Variants in AZU1 observed in about 807,000 individuals in gnomAD.
The protein encoded by AZU1 is azurocidin 1.
A neutral mutation model predicts 17.8 loss-of-function variants in AZU1; 21 were observed. The observed-to-expected ratio is 1.18, with a 90% CI of 0.84 to 1.70. The LOEUF (loss-of-function observed/expected upper bound fraction) is 1.70, where lower values mean the gene tolerates loss of function less well. AZU1 is among the 40% of genes most tolerant of loss of function. The pLI is 0.00. For missense variants in AZU1, 379 were observed against 362.9 expected, an observed-to-expected ratio of 1.04 and a Z score of -0.36; for synonymous variants, 178 against 155.2, an observed-to-expected ratio of 1.15 and a Z score of -1.09.
intron 2 of AZU1, among the ~76,000 whole-genome samples, chr19:828,962 T>C (rs1158290864): frequency 3.6e-3 from 131 of 36,128 alleles, no homozygotes; most frequent in Admixed American, 6.7e-3. Flanking sequence ...ATGGAGGAGG[T>C]GCAGAGAAGG....
chr19:831,483 T>C (rs1265566659), intron 4 of AZU1: 4 of 538,076 alleles, frequency 7.4e-6, no homozygotes, highest in Non-Finnish European at 1.3e-5. Flanking sequence ...AGGCGTGTGA[T>C]TGCCAGGGGA....
intron 1 of AZU1, 119 bp downstream of exon 1, chr19:828,023 C>T (rs942537431): frequency 9.8e-6 from 14 of 1,429,204 alleles, no homozygotes; most frequent in African/African-American, 2.8e-5. Context: ...ACAGCCAGCC[C>T]GGCCTGGACG....
In AZU1 at chr19:831,780, G is replaced by A. The variant is rs772633757; in HGVS notation, c.659G>A (p.Gly220Glu). The A allele has an allele frequency of 1.2e-6, 2 of 1,612,574 alleles. No individual in the cohort carries two copies. Among genetic ancestry groups the A allele is most frequent in the Non-Finnish European group, 8.5e-7 (1 of 1,179,770 alleles). The change falls in exon 5 of 5, where the codon GGG becomes GAG. Residue 220 changes from glycine to glutamate, a missense_variant. Coordinates refer to ENST00000233997, the MANE Select transcript of AZU1 (RefSeq NM_001700.5). ...LAHGVASFSL[G>E]PCGRGPDFFT... ...CACGGCGTGGCCTCCTTTTCCCTGG[G>A]GCCCTGTGGCCGAGGCCCTGACTTC... is the stretch of plus-strand genomic sequence containing the variant.
intron 2 of AZU1, among the ~76,000 whole-genome samples, chr19:829,259 T>G (rs1334794612): frequency 3.7e-4 from 26 of 70,686 alleles, no homozygotes; most frequent in Non-Finnish European, 4.2e-4. Context: ...ATGGAGGAGG[T>G]GCAGAGAAGG....
At position 829,569 on chromosome 19, in the gene AZU1, G is replaced by A. The variant is rs535048779; in HGVS notation, c.223G>A (p.Gly75Arg). 1.2e-5 allele frequency: 20 copies of A among 1,612,690 alleles called. No individual in the cohort carries two copies. The highest frequency in any genetic ancestry group is 6.7e-5 in the Admixed American group (4 of 59,966). ...TTCCTCCGCTACTCTCAGGAACCCC[G>A]GGGTTAGCACCGTGGTGCTGGGTGC... ...AASCFQSQNP[G>R]VSTVVLGAYD... Residue 75 changes from glycine (G) to arginine (R), a missense_variant, in exon 3 of 5, where the codon GGG becomes AGG. Physicochemically the swap from Gly to Arg is moderately radical, Grantham distance 125. Coordinates refer to ENST00000233997, the MANE Select transcript of AZU1 (RefSeq NM_001700.5).
chr19:827,914 T>G lies in AZU1; in HGVS notation c.58+10T>G. The G allele has an allele frequency of 6.5e-7, 1 of 1,536,792 alleles. No homozygotes were observed. The highest frequency in any genetic ancestry group is 8.7e-7 in the Non-Finnish European group (1 of 1,147,096). ...GCGTCCTCGAGGGCCGGTGAGTGCC[T>G]CTCTGTGCCGGTGGTCCCCCATCTG... is the stretch of plus-strand genomic sequence containing the variant. On this transcript the variant is annotated intron_variant, in intron 1 of 4. Transcript: ENST00000233997.
rs774697507 is a variant in AZU1 at position 831,026 on chromosome 19, G to A, written c.594+85G>A. The A allele has an allele frequency of 7.5e-5, 103 of 1,366,126 alleles. No individual in the cohort carries two copies. The African/African-American group carries it at 9.8e-4, about 13-fold the overall frequency. 84.6% of individuals were successfully genotyped at this position (1,366,126 alleles called of 1,614,324 possible). On this transcript the variant is annotated intron_variant, in intron 4 of 4. Transcript: ENST00000233997. ...GAGAAAGCAAGTGCAGGCTGAGGGC[G>A]GCACAGCAGGGGGGCCCCAGGATTG...
chr19:827,905 G>A lies in AZU1; in HGVS notation c.58+1G>A, dbSNP rs2035234701. 7 of 1,537,178 alleles carry A rather than the reference G, an allele frequency of 4.6e-6. No individual in the cohort carries two copies. The highest frequency in any genetic ancestry group is 3.6e-5 in the South Asian group (3 of 84,106). On this transcript the variant is annotated splice_donor_variant, in intron 1 of 4. Transcript: ENST00000233997. LOFTEE classifies it high-confidence loss of function. ...GGTCTGCTGGCGTCCTCGAGGGCCG[G>A]TGAGTGCCTCTCTGTGCCGGTGGTC...
chr19:831,405 T>C (rs758993591), intron 4 of AZU1: 1 of 395,872 alleles, frequency 2.5e-6, no homozygotes, highest in Non-Finnish European at 4.5e-6. Context: ...AAACGCCGGC[T>C]GTGAGCCACG....
chr19:828,203 T>A, intron 1 of AZU1, 27 bp from the exon 2 acceptor site: 6 of 1,574,336 alleles, frequency 3.8e-6, no homozygotes, highest in Non-Finnish European at 5.2e-6. Flanking sequence ...TTCTTGGGGA[T>A]CTCAGAGCTG....
At chr19:828,163 C>G (rs1412396919) in intron 1 of AZU1, 67 bp from the exon 2 acceptor site, 3 of 1,507,682 alleles carry the variant, frequency 2.0e-6, no homozygotes, top group African/African-American at 2.8e-5. Flanking sequence ...GAGGCTGCAG[C>G]TTCACACGCC....
rs2035295539 is a variant in AZU1 at position 831,969 on chromosome 19, TC to T, written c.*94del. The T allele has an allele frequency of 7.0e-7, 1 of 1,432,286 alleles. No individual in the cohort carries two copies. Among genetic ancestry groups the T allele is most frequent in the Admixed American group, 2.1e-5 (1 of 46,584 alleles). The allele number at this position is 1,432,286 out of a possible 1,614,324, so 88.7% of individuals were successfully genotyped here. On this transcript the variant is annotated 3_prime_UTR_variant, in exon 5 of 5. Coordinates refer to ENST00000233997, the MANE Select transcript of AZU1 (RefSeq NM_001700.5). ...CCCACGGCCCCGCCCCTGCCCCCGC[TC>T]CGGCCAGAGGGGCCCTGGCTGTAAT... is the stretch of plus-strand genomic sequence containing the variant.
intron 4 of AZU1, 36 bp downstream of exon 4, chr19:830,977 G>C: frequency 6.3e-7 from 1 of 1,582,648 alleles, no homozygotes; most frequent in Non-Finnish European, 8.6e-7. Context: ...GGGGTCCTGA[G>C]AGGTACTGAG....
chr19:828,190 G>A, intron 1 of AZU1, 40 bp from the exon 2 acceptor site: 1 of 1,554,196 alleles, frequency 6.4e-7, no homozygotes, highest in Non-Finnish European at 8.7e-7. Context: ...GCCACTGTGT[G>A]GATTCTTGGG....
At chr19:827,982 C>CAG in intron 1 of AZU1, 78 bp downstream of exon 1, 1 of 1,515,002 alleles carries the variant, frequency 6.6e-7, no homozygotes. Context: ...ACTTAAAGCA[C>CAG]AGAGAAGGCA....
intron 1 of AZU1, 68 bp downstream of exon 1, chr19:827,972 A>G: frequency 6.6e-7 from 1 of 1,526,252 alleles, no homozygotes; most frequent in Non-Finnish European, 8.8e-7. Flanking sequence ...CAGAACTCAG[A>G]CTTAAAGCAC....
intron 3 of AZU1, among the ~76,000 whole-genome samples, chr19:830,210 A>G (rs1424357176): frequency 6.6e-6 from 1 of 152,102 alleles, no homozygotes; most frequent in Non-Finnish European, 1.5e-5. Context: ...CAGTGAGCCG[A>G]GATCGCGCCC....
chr19:829,776 A>G, intron 3 of AZU1, 70 bp downstream of exon 3: 2 of 1,564,982 alleles, frequency 1.3e-6, no homozygotes, highest in Admixed American at 1.8e-5. Context: ...AACAAGTCCA[A>G]ACTTGGTCTC....
At chr19:829,436 G>A in intron 2 of AZU1, 126 bp from the exon 3 acceptor site, 2 of 1,312,954 alleles carry the variant, frequency 1.5e-6, no homozygotes, top group African/African-American at 1.5e-5. Context: ...GTAAAAGCGG[G>A]GGAGTTTTCA....
Sources: allele counts gnomAD v4.1 joint callset (sites outside exome capture counted in the v4.1 genomes callset), GRCh38; gene constraint gnomAD v4.1.1; transcripts MANE v1.5; gene names NCBI Gene and HGNC (gene_info 2026-07-23, HGNC 2026-07-21).